Variants in USH2A observed in about 807,000 individuals in gnomAD.
USH2A encodes the protein Usher syndrome 2A (autosomal recessive, mild).
A neutral mutation model predicts 538.9 loss-of-function variants in USH2A; 443 were observed. The observed-to-expected ratio is 0.82, with a 90% confidence interval of 0.76 to 0.89. The LOEUF is 0.89. USH2A is among the 40% of genes least tolerant of loss of function. The pLI, the probability that USH2A is intolerant of heterozygous loss-of-function variation, is 0.00. For synonymous variants in USH2A, 2,413 were observed against 2,273.5 expected, an observed-to-expected ratio of 1.06 and a Z score of -1.75; for missense variants, 6,633 against 6,324.8, an observed-to-expected ratio of 1.05 and a Z score of -1.65.
At chr1:216,019,956 T>A (rs947421426) in intron 32 of USH2A, among the ~76,000 whole-genome samples, 2 of 152,224 alleles carry the variant, frequency 1.3e-5, no homozygotes, top group African/African-American at 4.8e-5. Flanking sequence ...AAGTGTTTGA[T>A]GTTGCAAGTG....
At chr1:215,701,941 G>A (rs1015208165) in intron 61 of USH2A, among the ~76,000 whole-genome samples, 2 of 152,160 alleles carry the variant, frequency 1.3e-5, no homozygotes, top group African/African-American at 2.4e-5. Context: ...GTATGTTTCT[G>A]CAGTGGCTGG....
intron 32 of USH2A, among the ~76,000 whole-genome samples, chr1:216,039,440 T>C (rs1287532854): frequency 6.6e-6 from 1 of 151,974 alleles, no homozygotes; most frequent in Non-Finnish European, 1.5e-5. Flanking sequence ...TGGTGACTCA[T>C]GGATGAGACC....
chr1:215,913,272 A>G (rs1310896259), intron 38 of USH2A, among the ~76,000 whole-genome samples: 1 of 152,124 alleles, frequency 6.6e-6, no homozygotes, highest in Non-Finnish European at 1.5e-5. Context: ...GACTGGCATC[A>G]AACAAATAGA....
chr1:216,283,190 C>A (rs1234251149), intron 11 of USH2A, among the ~76,000 whole-genome samples: 1 of 151,972 alleles, frequency 6.6e-6, no homozygotes, highest in African/African-American at 2.4e-5. Context: ...AGGTTCACAC[C>A]ATTCTCCCAC....
Position 216,200,134 on chromosome 1 carries a change from GA to G in USH2A, c.3317-14del, listed in dbSNP as rs376363548. 0.012 allele frequency: 14,777 copies of G among 1,247,782 alleles called. 31 individuals carry two copies. The highest frequency in any genetic ancestry group is 0.012 in the South Asian group (828 of 68,126). 77.3% of individuals were successfully genotyped at this position (1,247,782 alleles called of 1,614,324 possible). On this transcript the variant is annotated splice_polypyrimidine_tract_variant and intron_variant, in intron 16 of 71. Coordinates refer to ENST00000307340, the MANE Select transcript of USH2A (RefSeq NM_206933.4). ...AAGTATTGAATACCTGAAATGAAAA[GA>G]AAAAAAAAAAACAAAGTTACATTTC... is the stretch of plus-strand genomic sequence containing the variant.
chr1:215,632,929 C>T lies in USH2A; in HGVS notation c.15297+1530G>A, dbSNP rs554293137. On this transcript the variant is annotated intron_variant, in intron 70 of 71. Transcript: ENST00000307340. ...GACATTCATTCATTCAACAAACATTCGTGGAGTGCCTATGATATGCCAGGC... is the reference window on the plus strand; with the variant it reads ...GACATTCATTCATTCAACAAACATTTGTGGAGTGCCTATGATATGCCAGGC... 5.3e-5 allele frequency among the ~76,000 whole-genome samples: 8 copies of T among 152,260 alleles called. No individual in the cohort carries two copies. The South Asian group carries it at 8.3e-4, about 16-fold the overall frequency.
At chr1:216,189,784 C>T (rs1410336241) in intron 20 of USH2A, among the ~76,000 whole-genome samples, 1 of 151,856 alleles carries the variant, frequency 6.6e-6, no homozygotes, top group Non-Finnish European at 1.5e-5. Context: ...AATGTCTGGA[C>T]TGAGGGAAGA....
At chr1:216,191,645 A>G (rs2102656462) in intron 19 of USH2A, among the ~76,000 whole-genome samples, 1 of 152,050 alleles carries the variant, frequency 6.6e-6, no homozygotes, top group Admixed American at 6.6e-5. Flanking sequence ...TTTCTGTGAA[A>G]TGTGATTTAA....
chr1:216,418,963 C>T (rs2039627827), intron 2 of USH2A, among the ~76,000 whole-genome samples: 1 of 152,094 alleles, frequency 6.6e-6, no homozygotes, highest in Non-Finnish European at 1.5e-5. Context: ...TTGAATCATT[C>T]TGCAAAACTA....
chr1:215,702,904 A>T (rs935273947), intron 61 of USH2A, among the ~76,000 whole-genome samples: 17 of 151,760 alleles, frequency 1.1e-4, no homozygotes, highest in Non-Finnish European at 2.4e-4. Flanking sequence ...CAGTTTTTGG[A>T]ATTTTCAGCC....
At position 215,639,223 on chromosome 1, in the gene USH2A, A is replaced by G. The variant is rs1380461762; in HGVS notation, c.14984T>C (p.Val4995Ala). 6.2e-7 allele frequency: 1 copy of G among 1,614,164 alleles called. No homozygotes were observed. The highest frequency in any genetic ancestry group is 1.7e-5 in the Admixed American group (1 of 60,032). ...RTADKTFFFQ[V>A]ICTTDEGSVK... ...ACTTCCTTCGTCAGTCGTGCAGATG[A>G]CCTGGAAAAAGAAGGCTAGACAAAA... The change falls in exon 69 of 72, where the codon GTC becomes GCC. Residue 4995 changes from valine to alanine, a missense_variant. Coordinates refer to ENST00000307340, the MANE Select transcript of USH2A (RefSeq NM_206933.4).
chr1:216,047,242 C>G (rs559698566), intron 31 of USH2A, among the ~76,000 whole-genome samples: 124 of 152,146 alleles, frequency 8.2e-4, no homozygotes, highest in African/African-American at 2.5e-3. Flanking sequence ...GAAATATAAA[C>G]AAGAGCAGGG....
intron 50 of USH2A, among the ~76,000 whole-genome samples, chr1:215,798,346 T>C (rs1662202623): frequency 2.0e-5 from 3 of 152,182 alleles, no homozygotes; most frequent in Admixed American, 6.5e-5. Context: ...TCTGACTGTG[T>C]GGTATTTAGC....
intron 14 of USH2A, among the ~76,000 whole-genome samples, chr1:216,219,728 C>T (rs1322292034): frequency 2.0e-5 from 3 of 152,050 alleles, no homozygotes; most frequent in Admixed American, 6.6e-5. Flanking sequence ...GAGCTTCTCC[C>T]GCAATCTGTT....
chr1:215,690,385 C>T (rs1658562249), intron 61 of USH2A, among the ~76,000 whole-genome samples: 1 of 152,172 alleles, frequency 6.6e-6, no homozygotes, highest in African/African-American at 2.4e-5. Flanking sequence ...CTTCACTTTC[C>T]CAGCTATTCC....
At chr1:215,693,101 T>TGC (rs1176458369) in intron 61 of USH2A, among the ~76,000 whole-genome samples, 2 of 109,004 alleles carry the variant, frequency 1.8e-5, no homozygotes, top group African/African-American at 5.9e-5. Context: ...TATGTGTGTG[T>TGC]GTGTGTGTGT....
chr1:216,384,553 T>C (rs2038973915), intron 3 of USH2A, among the ~76,000 whole-genome samples: 1 of 152,192 alleles, frequency 6.6e-6, no homozygotes, highest in Non-Finnish European at 1.5e-5. Context: ...AGTAGGTCAA[T>C]ATACCCCTGA....
At chr1:216,220,464 C>T (rs886342580) in intron 14 of USH2A, among the ~76,000 whole-genome samples, 4 of 149,692 alleles carry the variant, frequency 2.7e-5, no homozygotes, top group Non-Finnish European at 5.9e-5. Flanking sequence ...AGAAAAGGGG[C>T]AACTTAACTA....
At chr1:216,018,039 C>T (rs1489834561) in intron 32 of USH2A, among the ~76,000 whole-genome samples, 1 of 152,166 alleles carries the variant, frequency 6.6e-6, no homozygotes, top group Non-Finnish European at 1.5e-5. Flanking sequence ...TTCTCAAACT[C>T]TTTCAGTTTG....
Sources: allele counts gnomAD v4.1 joint callset (sites outside exome capture counted in the v4.1 genomes callset), GRCh38; gene constraint gnomAD v4.1.1; transcripts MANE v1.5; gene names NCBI Gene and HGNC (gene_info 2026-07-23, HGNC 2026-07-21).